TENM3: variants seen among roughly 807,000 people sequenced by gnomAD.
TENM3 encodes teneurin transmembrane protein 3.
A neutral mutation model predicts 255.1 loss-of-function variants in TENM3; 63 were observed. The ratio of observed to expected loss-of-function variants is 0.25; its 90% CI spans 0.20 to 0.30. The LOEUF (loss-of-function observed/expected upper bound fraction) is 0.30, where lower values mean the gene tolerates loss of function less well. Ranked by LOEUF, TENM3 falls within the 10% of genes least tolerant of loss-of-function variation. The pLI is 1.00. For synonymous variants in TENM3, 1,306 were observed against 1,322.3 expected, an observed-to-expected ratio of 0.99 and a Z score of 0.27; for missense variants, 2,929 against 3,461.1, an observed-to-expected ratio of 0.85 and a Z score of 3.86.
chr4:181,693,431 A>G, the TENM3 span, among the ~76,000 whole-genome samples: 3 of 152,152 alleles, frequency 2.0e-5, no homozygotes, highest in African/African-American at 7.2e-5. Flanking sequence ...CATTCCTCAG[A>G]CACCCAGTGG....
the TENM3 span, among the ~76,000 whole-genome samples, chr4:181,912,698 G>C: frequency 6.6e-6 from 1 of 151,728 alleles, no homozygotes; most frequent in Non-Finnish European, 1.5e-5. Flanking sequence ...CTTGAGCCCA[G>C]GAGGTGGAGG....
chr4:181,546,861 TTG>T, the TENM3 span, among the ~76,000 whole-genome samples: 1 of 151,526 alleles, frequency 6.6e-6, no homozygotes, highest in African/African-American at 2.4e-5. Flanking sequence ...TTTTTTGTTT[TTG>T]TTTGTTGTGT....
At chr4:182,335,306 G>T in intron 2 of TENM3, among the ~76,000 whole-genome samples, 1 of 89,418 alleles carries the variant, frequency 1.1e-5, no homozygotes, top group Non-Finnish European at 2.4e-5. Context: ...AGACCATCCT[G>T]TGAATGGTGA....
intron 3 of TENM3, among the ~76,000 whole-genome samples, chr4:182,582,202 T>C (rs977990039): frequency 6.6e-6 from 1 of 152,210 alleles, no homozygotes; most frequent in Non-Finnish European, 1.5e-5. Flanking sequence ...CCATTTAAAA[T>C]TGAATTTCTA....
intron 1 of TENM3, among the ~76,000 whole-genome samples, chr4:182,200,826 CTT>C (rs11389090): frequency 3.0e-5 from 4 of 135,368 alleles, no homozygotes; most frequent in Non-Finnish European, 1.6e-5. Flanking sequence ...ACTAGAGTGC[CTT>C]TTTTTTTTTT....
intron 3 of TENM3, among the ~76,000 whole-genome samples, chr4:182,539,107 G>A (rs1740616705): frequency 6.6e-6 from 1 of 151,152 alleles, no homozygotes; most frequent in Admixed American, 6.6e-5. Flanking sequence ...GGGAAGAGAG[G>A]CCTGAGTGAT....
the TENM3 span, among the ~76,000 whole-genome samples, chr4:181,841,050 G>A: frequency 2.0e-5 from 3 of 151,914 alleles, no homozygotes; most frequent in Non-Finnish European, 2.9e-5. Context: ...GTTCAATCAG[G>A]GTTCTCCTCT....
At chr4:181,756,255 C>T in the TENM3 span, among the ~76,000 whole-genome samples, 16 of 152,164 alleles carry the variant, frequency 1.1e-4, no homozygotes, top group Non-Finnish European at 1.8e-4. Context: ...GAAGGGTTAC[C>T]TCCCTTCTTG....
At chr4:182,340,127 C>T (rs540131779) in intron 2 of TENM3, among the ~76,000 whole-genome samples, 2 of 152,184 alleles carry the variant, frequency 1.3e-5, no homozygotes, top group South Asian at 2.1e-4. Context: ...CAAATTTTAT[C>T]TTGAAGAAAA....
chr4:182,664,179 C>G (rs904240382), intron 6 of TENM3, among the ~76,000 whole-genome samples: 2 of 152,184 alleles, frequency 1.3e-5, no homozygotes, highest in Admixed American at 1.3e-4. Context: ...GCAAGTCTAT[C>G]GGCACCATTT....
At chr4:182,290,598 G>A (rs150247600) in intron 1 of TENM3, among the ~76,000 whole-genome samples, 2,908 of 151,332 alleles carry the variant, frequency 0.019, 32 homozygotes, top group Middle Eastern at 0.031. Context: ...CATCTCCCGG[G>A]TTCAAGACAT....
chr4:181,861,351 C>T, the TENM3 span, among the ~76,000 whole-genome samples: 17 of 152,206 alleles, frequency 1.1e-4, no homozygotes, highest in African/African-American at 3.4e-4. Context: ...AGGAACATTC[C>T]GCCTTTCGAT....
chr4:181,698,410 A>G, the TENM3 span, among the ~76,000 whole-genome samples: 1 of 152,098 alleles, frequency 6.6e-6, no homozygotes, highest in Non-Finnish European at 1.5e-5. Flanking sequence ...TTTAATGCCA[A>G]CAAACTTTTC....
chr4:181,879,186 C>G, the TENM3 span, among the ~76,000 whole-genome samples: 1 of 152,030 alleles, frequency 6.6e-6, no homozygotes, highest in Non-Finnish European at 1.5e-5. Flanking sequence ...TCAACACTGT[C>G]AAGTGACATA....
At chr4:181,830,007 C>T in the TENM3 span, 12 of 152,178 alleles carry the variant, frequency 7.9e-5, no homozygotes, top group Non-Finnish European at 1.6e-4. Flanking sequence ...TCCCTGGAGA[C>T]CAAGGCACAG....
intron 3 of TENM3, among the ~76,000 whole-genome samples, chr4:182,453,018 T>G (rs1773593144): frequency 2.0e-5 from 1 of 50,846 alleles, no homozygotes; most frequent in Admixed American, 2.7e-4. Flanking sequence ...GAGATTATTT[T>G]TATATGTGTA....
chr4:182,440,392 G>A lies in TENM3; in HGVS notation c.511+93463G>A, dbSNP rs567658004. Among the ~76,000 whole-genome samples, 8 of 152,170 alleles carry A rather than the reference G, an allele frequency of 5.3e-5. No individual in the cohort carries two copies. The East Asian group carries it at 1.4e-3, about 26-fold the overall frequency. On this transcript the variant is annotated intron_variant, in intron 3 of 27. Transcript: ENST00000511685. The stretch of plus-strand genomic sequence containing the variant: ...CTCCCAAAGTGCTGGGATTACAGGC[G>A]TGAGCCACTGCAGCTGGCTCTGATG...
chr4:181,672,505 TGGAAC>T, the TENM3 span, among the ~76,000 whole-genome samples: 385 of 152,284 alleles, frequency 2.5e-3, no homozygotes, highest in African/African-American at 8.8e-3. Context: ...TGAAAATCCT[TGGAAC>T]GGCACTTAGT....
At chr4:182,608,690 T>TG (rs892361340) in intron 4 of TENM3, among the ~76,000 whole-genome samples, 1 of 152,024 alleles carries the variant, frequency 6.6e-6, no homozygotes, top group Non-Finnish European at 1.5e-5. Context: ...GGCCCGGGTT[T>TG]GGGGGTGGCC....
Sources: allele counts gnomAD v4.1 joint callset (sites outside exome capture counted in the v4.1 genomes callset), GRCh38; gene constraint gnomAD v4.1.1; transcripts MANE v1.5; gene names NCBI Gene and HGNC (gene_info 2026-07-23, HGNC 2026-07-21).